Variants in LGR5 observed in about 807,000 individuals in gnomAD.
The protein encoded by LGR5 is leucine rich repeat containing G protein-coupled receptor 5, also known as leucine-rich repeat-containing G protein-coupled receptor 5.
Under a neutral mutation model 76.7 loss-of-function variants are expected in LGR5, and 54 were observed. That is an observed-to-expected ratio of 0.70 (90% confidence interval 0.57 to 0.88). The LOEUF (loss-of-function observed/expected upper bound fraction) is 0.88. LGR5 is among the 40% of genes least tolerant of loss of function. LGR5 has a pLI of 0.00. For missense variants in LGR5, 1,078 were observed against 1,073.3 expected (o/e 1.00, Z -0.06); for synonymous variants, 406 against 421.9 (o/e 0.96, Z 0.46).
At chr12:71,528,447 G>A (rs1330563564) in intron 3 of LGR5, among the ~76,000 whole-genome samples, 1 of 152,080 alleles carries the variant, frequency 6.6e-6, no homozygotes, top group Non-Finnish European at 1.5e-5. Context: ...GGGCAACAGA[G>A]CAAGACCTGT....
chr12:71,544,903 T>C (rs1877075787), intron 4 of LGR5, among the ~76,000 whole-genome samples: 1 of 152,200 alleles, frequency 6.6e-6, no homozygotes, highest in Non-Finnish European at 1.5e-5. Flanking sequence ...TCCTGACTTG[T>C]TCAAAGTGGT....
At position 71,566,929 on chromosome 12, in the gene LGR5, C is replaced by CAATA. The variant is rs1252445984; in HGVS notation, c.1070+19_1070+22dup. 6.3e-7 allele frequency: 1 copy of CAATA among 1,591,930 alleles called. No individual in the cohort carries two copies. Among genetic ancestry groups the CAATA allele is most frequent in the Non-Finnish European group, 8.6e-7 (1 of 1,159,830 alleles). On this transcript the variant is annotated intron_variant, in intron 11 of 17. Transcript: ENST00000266674. Reference sequence around the variant, plus strand: ...CCAAGTGCTGTGCGTATCAGTAAGGCAATAATGTTGTGTAAACAGGCAACT... The same window carrying CAATA: ...CCAAGTGCTGTGCGTATCAGTAAGGCAATAAATAATGTTGTGTAAACAGGCAACT...
chr12:71,498,593 T>A (rs182139917), intron 1 of LGR5, among the ~76,000 whole-genome samples: 237 of 152,314 alleles, frequency 1.6e-3, no homozygotes, highest in Non-Finnish European at 2.5e-3. Flanking sequence ...AGGACACTAA[T>A]CTCATCATGG....
intron 3 of LGR5, among the ~76,000 whole-genome samples, chr12:71,527,444 A>G (rs973340051): frequency 6.6e-6 from 1 of 152,122 alleles, no homozygotes; most frequent in Non-Finnish European, 1.5e-5. Context: ...TTGAGAGCCA[A>G]ATCCTCTGGA....
intron 4 of LGR5, among the ~76,000 whole-genome samples, chr12:71,540,710 A>G (rs1876832938): frequency 6.6e-6 from 1 of 152,210 alleles, no homozygotes; most frequent in Non-Finnish European, 1.5e-5. Context: ...GCCTAGAACC[A>G]GGAGCAGTTT....
chr12:71,441,866 C>T (rs543558513), intron 1 of LGR5: 1 of 152,280 alleles, frequency 6.6e-6, no homozygotes, highest in South Asian at 2.1e-4. Flanking sequence ...ATTCACATTT[C>T]CTCCTCCTGA....
chr12:71,445,178 C>T (rs1325091633), intron 1 of LGR5, among the ~76,000 whole-genome samples: 1 of 152,182 alleles, frequency 6.6e-6, no homozygotes, highest in African/African-American at 2.4e-5. Context: ...ATAGATACTT[C>T]TGGTAAACTG....
In LGR5 at chr12:71,504,775, A is replaced by G. The variant is rs1216185855; in HGVS notation, c.284+90A>G. On this transcript the variant is annotated intron_variant, in intron 2 of 17. Transcript: ENST00000266674. Reference sequence around the variant, plus strand: ...ATACTTACTGTGGGAACCAGATAAAACAAGGCAGAAAACCTGTCAGCACCA... The same window carrying G: ...ATACTTACTGTGGGAACCAGATAAAGCAAGGCAGAAAACCTGTCAGCACCA... The G allele has an allele frequency of 2.7e-6, 3 of 1,112,074 alleles. No homozygotes were observed. In the African/African-American group the frequency reaches 4.6e-5, roughly 17 times the overall value. 68.9% of individuals were successfully genotyped at this position (1,112,074 alleles called of 1,614,324 possible).
chr12:71,441,841 G>A (rs145677983), intron 1 of LGR5: 1 of 152,150 alleles, frequency 6.6e-6, no homozygotes, highest in Non-Finnish European at 1.5e-5. Flanking sequence ...TCTCCTAAAT[G>A]ATCACGCTCT....
At chr12:71,508,174 G>C (rs1005266788) in intron 2 of LGR5, among the ~76,000 whole-genome samples, 5 of 152,106 alleles carry the variant, frequency 3.3e-5, no homozygotes, top group Non-Finnish European at 7.3e-5. Flanking sequence ...GTTGCAGTGA[G>C]TCGAGATTGG....
chr12:71,495,999 C>T (rs1874298837), intron 1 of LGR5, among the ~76,000 whole-genome samples: 1 of 152,164 alleles, frequency 6.6e-6, no homozygotes, highest in African/African-American at 2.4e-5. Flanking sequence ...AAAAGATGCT[C>T]AGCTCTATGA....
intron 3 of LGR5, among the ~76,000 whole-genome samples, chr12:71,531,834 C>T (rs553940613): frequency 6.6e-6 from 1 of 152,290 alleles, no homozygotes; most frequent in African/African-American, 2.4e-5. Context: ...CACCACTGCA[C>T]TCCCGTGTGG....
At chr12:71,485,188 A>C (rs56182349) in intron 1 of LGR5, among the ~76,000 whole-genome samples, 3,362 of 152,304 alleles carry the variant, frequency 0.022, 124 homozygotes, top group African/African-American at 0.077. Context: ...TATAATGATA[A>C]TAATAGCAAA....
intron 2 of LGR5, among the ~76,000 whole-genome samples, chr12:71,516,441 C>T (rs1565711840): frequency 6.6e-6 from 1 of 152,110 alleles, no homozygotes; most frequent in Non-Finnish European, 1.5e-5. Flanking sequence ...GGACCCCTGT[C>T]GGACCATGGT....
chr12:71,509,464 T>G (rs184378981), intron 2 of LGR5, among the ~76,000 whole-genome samples: 467 of 152,326 alleles, frequency 3.1e-3, no homozygotes, highest in Middle Eastern at 6.8e-3. Context: ...TTCTTTACTA[T>G]TTTAATAACC....
intron 5 of LGR5, among the ~76,000 whole-genome samples, chr12:71,553,893 C>A (rs1877626684): frequency 6.6e-6 from 1 of 152,114 alleles, no homozygotes; most frequent in Admixed American, 6.5e-5. Flanking sequence ...GAGTTCGAGG[C>A]CAGCCTGGTC....
At chr12:71,491,262 AT>A (rs553239693) in intron 1 of LGR5, among the ~76,000 whole-genome samples, 5 of 152,262 alleles carry the variant, frequency 3.3e-5, no homozygotes, top group Admixed American at 6.5e-5. Context: ...TTTAAGACAG[AT>A]TTTTTGTAAG....
At chr12:71,573,913 T>TAA (rs3070200) in intron 13 of LGR5, among the ~76,000 whole-genome samples, 109,070 of 147,464 alleles carry the variant, frequency 0.74, 41,691 homozygotes, top group Middle Eastern at 0.88. Context: ...TGCTTTTACT[T>TAA]AAAAAAAAAA....
At chr12:71,447,872 A>G (rs537353809) in intron 1 of LGR5, among the ~76,000 whole-genome samples, 2 of 152,246 alleles carry the variant, frequency 1.3e-5, no homozygotes, top group African/African-American at 2.4e-5. Flanking sequence ...AGGGAGCCCA[A>G]CTCCAGCTGA....
Sources: allele counts gnomAD v4.1 joint callset (sites outside exome capture counted in the v4.1 genomes callset), GRCh38; gene constraint gnomAD v4.1.1; transcripts MANE v1.5; gene names NCBI Gene and HGNC (gene_info 2026-07-23, HGNC 2026-07-21).